The following AGBL1 variants were observed in gnomAD, a reference collection of about 807,000 sequenced individuals.
AGBL1 encodes the protein cytosolic carboxypeptidase 4.
In AGBL1, 130 loss-of-function variants were observed where a neutral mutation model predicts 118.9. The ratio of observed to expected loss-of-function variants is 1.09; its 90% CI spans 0.95 to 1.26. The LOEUF is 1.26. Ranked by LOEUF, AGBL1 falls within the 50% of genes most tolerant of loss-of-function variation. The pLI is 0.00. For synonymous variants in AGBL1, 555 were observed against 478.9 expected (o/e 1.16, Z -2.08); for missense variants, 1,584 against 1,298.1 (o/e 1.22, Z -3.38).
At chr15:86,136,020 G>A (rs1315278374) in intron 1 of AGBL1, among the ~76,000 whole-genome samples, 1 of 152,188 alleles carries the variant, frequency 6.6e-6, no homozygotes, top group Non-Finnish European at 1.5e-5. Context: ...TAGTCCAGGT[G>A]TGCCCAGTCT....
intron 24 of AGBL1, among the ~76,000 whole-genome samples, chr15:86,990,267 C>G (rs2081324771): frequency 1.3e-5 from 2 of 152,170 alleles, no homozygotes; most frequent in African/African-American, 4.8e-5. Flanking sequence ...ATAATCCCAG[C>G]ACTTTGGGAG....
At chr15:86,683,694 A>G (rs985488491) in intron 22 of AGBL1, among the ~76,000 whole-genome samples, 9 of 152,152 alleles carry the variant, frequency 5.9e-5, no homozygotes, top group Non-Finnish European at 1.2e-4. Flanking sequence ...CTGGAAAAGG[A>G]TTTCAATCAA....
chr15:87,020,112 A>C (rs2081648618), intron 24 of AGBL1, among the ~76,000 whole-genome samples: 1 of 152,158 alleles, frequency 6.6e-6, no homozygotes, highest in South Asian at 2.1e-4. Context: ...ATATTGAGGC[A>C]GTAATAGATA....
chr15:86,300,244 T>G (rs1389986176), intron 17 of AGBL1, among the ~76,000 whole-genome samples: 2 of 152,168 alleles, frequency 1.3e-5, no homozygotes, highest in Admixed American at 6.6e-5. Context: ...TTCTCCACAT[T>G]GCTCTCACAA....
At chr15:86,520,080 C>G (rs1319628627) in intron 18 of AGBL1, among the ~76,000 whole-genome samples, 2 of 152,100 alleles carry the variant, frequency 1.3e-5, no homozygotes, top group Non-Finnish European at 2.9e-5. Context: ...AGACACTTCT[C>G]CCTTCCATTC....
rs548466967 is a variant in AGBL1, at chr15:86,952,919, T to C, written c.3222-35068T>C. Among the ~76,000 whole-genome samples, 6 of 152,314 alleles carry C rather than the reference T, an allele frequency of 3.9e-5. No homozygotes were observed. The South Asian group carries it at 8.3e-4, about 21-fold the overall frequency. Reference sequence around the variant, plus strand: ...TAGTCAATTATGCAAGCATAAGTCATTGAATAAGGAGTTCTCTCCCCATTG... The same window carrying C: ...TAGTCAATTATGCAAGCATAAGTCACTGAATAAGGAGTTCTCTCCCCATTG... On this transcript the variant is annotated intron_variant, in intron 23 of 24. Coordinates refer to the AGBL1 transcript ENST00000441037.
intron 22 of AGBL1, among the ~76,000 whole-genome samples, chr15:86,682,404 G>T (rs557711723): frequency 3.3e-5 from 5 of 152,120 alleles, no homozygotes; most frequent in Non-Finnish European, 5.9e-5. Flanking sequence ...ATTTTATGCT[G>T]ATTCTTCTAT....
chr15:86,769,202 G>GA (rs2078138683), intron 22 of AGBL1, among the ~76,000 whole-genome samples: 1 of 143,548 alleles, frequency 7.0e-6, no homozygotes, highest in Non-Finnish European at 1.5e-5. Context: ...AGAGAAAGAG[G>GA]GAGAGAGAGA....
rs1197806332 is a variant in AGBL1, at chr15:86,196,873, G to A, written c.489-28041G>A. Among the ~76,000 whole-genome samples, 91 of 89,040 alleles carry A rather than the reference G, an allele frequency of 1.0e-3. 1 individual carries two copies. The highest frequency in any genetic ancestry group is 7.0e-3 in the East Asian group (16 of 2,300). The allele number at this position is 89,040 out of a possible 152,430, so 58.4% of individuals were successfully genotyped here. A position where few individuals can be genotyped will look rare whatever the true frequency, so the allele number is the denominator to read the frequency against. On this transcript the variant is annotated intron_variant, in intron 5 of 22. Transcript: ENST00000614907. The stretch of plus-strand genomic sequence containing the variant: ...CATATGCGAATGTGCACATGTGCGC[G>A]CGCGCGCACACACACACACACACAC...
chr15:86,457,045 C>A (rs2082269601), intron 18 of AGBL1, among the ~76,000 whole-genome samples: 1 of 152,168 alleles, frequency 6.6e-6, no homozygotes, highest in Admixed American at 6.5e-5. Context: ...TGGACAAAAT[C>A]CCTTTCATTA....
At chr15:86,880,580 G>C (rs1464554907) in intron 22 of AGBL1, among the ~76,000 whole-genome samples, 2 of 152,182 alleles carry the variant, frequency 1.3e-5, no homozygotes, top group Non-Finnish European at 2.9e-5. Flanking sequence ...GGTGGTATGT[G>C]TATGTGGCAG....
chr15:86,143,908 G>C, intron 3 of AGBL1, 63 bp downstream of exon 3: 1 of 1,563,094 alleles, frequency 6.4e-7, no homozygotes, highest in East Asian at 2.3e-5. Context: ...TATCATGAGT[G>C]CAATTTGGGA....
chr15:86,670,247 A>T (rs1210954646), intron 21 of AGBL1, among the ~76,000 whole-genome samples: 1 of 152,066 alleles, frequency 6.6e-6, no homozygotes, highest in Admixed American at 6.6e-5. Context: ...ATTAATTTAC[A>T]CTTCCACCAG....
chr15:86,633,790 A>G (rs1468841518), intron 21 of AGBL1, among the ~76,000 whole-genome samples: 1 of 94,066 alleles, frequency 1.1e-5, no homozygotes, highest in Non-Finnish European at 2.1e-5. Context: ...GTGTGTATAT[A>G]TATATAATGT....
chr15:86,903,461 T>A (rs1407950145), intron 22 of AGBL1, among the ~76,000 whole-genome samples: 3 of 152,214 alleles, frequency 2.0e-5, no homozygotes, highest in African/African-American at 7.2e-5. Flanking sequence ...TGGCAACACT[T>A]ATATGCTTTA....
At chr15:86,771,559 C>A (rs1419969437) in intron 22 of AGBL1, among the ~76,000 whole-genome samples, 1 of 151,962 alleles carries the variant, frequency 6.6e-6, no homozygotes, top group African/African-American at 2.4e-5. Flanking sequence ...TTACCCCTAA[C>A]CCCCGTATTT....
At chr15:86,799,370 G>T (rs2141345699) in intron 22 of AGBL1, among the ~76,000 whole-genome samples, 1 of 152,138 alleles carries the variant, frequency 6.6e-6, no homozygotes, top group Non-Finnish European at 1.5e-5. Context: ...CTTGAAAAAT[G>T]CATGAGCACA....
At chr15:86,739,443 CA>C (rs34530266) in intron 22 of AGBL1, among the ~76,000 whole-genome samples, 74 of 66,602 alleles carry the variant, frequency 1.1e-3, no homozygotes, top group African/African-American at 2.0e-3. Context: ...AACTCCATCT[CA>C]AAAAAAAAAA....
chr15:86,764,792 G>A (rs773670992), intron 22 of AGBL1, among the ~76,000 whole-genome samples: 9 of 152,006 alleles, frequency 5.9e-5, no homozygotes, highest in African/African-American at 1.2e-4. Flanking sequence ...CATCTTGGGC[G>A]TGAACATTAA....
Sources: allele counts gnomAD v4.1 joint callset (sites outside exome capture counted in the v4.1 genomes callset), GRCh38; gene constraint gnomAD v4.1.1; transcripts MANE v1.5; gene names NCBI Gene and HGNC (gene_info 2026-07-23, HGNC 2026-07-21).